RIPK1: variants seen among roughly 807,000 people sequenced by gnomAD.
RIPK1 encodes receptor-interacting serine/threonine-protein kinase 1.
A neutral mutation model predicts 62.4 loss-of-function variants in RIPK1; 27 were observed. The ratio of observed to expected loss-of-function variants is 0.43; its 90% CI spans 0.32 to 0.60. The LOEUF (loss-of-function observed/expected upper bound fraction) is 0.60. Ranked by LOEUF, RIPK1 falls within the 20% of genes least tolerant of loss-of-function variation. The probability of loss-of-function intolerance (pLI) is 0.07; values close to 1 mark genes in which losing one functional copy is unlikely to be tolerated. For missense variants in RIPK1, 735 were observed against 831.0 expected (o/e 0.88, Z 1.42); for synonymous variants, 287 against 303.2 (o/e 0.95, Z 0.55).
intron 7 of RIPK1, among the ~76,000 whole-genome samples, chr6:3,102,032 A>G (rs1760609951): frequency 6.6e-6 from 1 of 152,190 alleles, no homozygotes; most frequent in South Asian, 2.1e-4. Flanking sequence ...AGGATCACAC[A>G]ATGTATTTCC....
At chr6:3,078,557 A>G (rs1483466612) in intron 3 of RIPK1, among the ~76,000 whole-genome samples, 1 of 152,220 alleles carries the variant, frequency 6.6e-6, no homozygotes, top group Non-Finnish European at 1.5e-5. Context: ...TGCAGACATC[A>G]TCTGATGTAG....
rs374066611 is a variant in RIPK1, at chr6:3,072,624, C to T, written c.-61+3963C>T. On this transcript the variant is annotated intron_variant, in intron 1 of 10. Transcript: ENST00000259808. The surrounding 1 kb of genome is among the most constrained non-coding windows in gnomAD (Gnocchi z 5.6). ...TCTGCTAGGCTCTGGAGATGGTGCA[C>T]AAGACAAGTTTCCTGCCTTCTGTGA... 5.6e-4 allele frequency among the ~76,000 whole-genome samples: 85 copies of T among 152,160 alleles called. No homozygotes were observed. Among genetic ancestry groups the T allele is most frequent in the African/African-American group, 2.0e-3 (82 of 41,514 alleles).
At chr6:3,085,071 C>A (rs1310983477) in intron 5 of RIPK1, among the ~76,000 whole-genome samples, 188 bp from the exon 6 acceptor site, 1 of 152,200 alleles carries the variant, frequency 6.6e-6, no homozygotes, top group African/African-American at 2.4e-5. Flanking sequence ...GTTTTATCTG[C>A]AGACATTAAG....
At chr6:3,095,272 A>G (rs908042133) in intron 7 of RIPK1, among the ~76,000 whole-genome samples, 1 of 152,244 alleles carries the variant, frequency 6.6e-6, no homozygotes, top group African/African-American at 2.4e-5. Flanking sequence ...ATAGAAACTT[A>G]GAATATTCCT....
intron 9 of RIPK1, among the ~76,000 whole-genome samples, chr6:3,107,433 C>T (rs1264167239): frequency 6.7e-6 from 1 of 149,960 alleles, no homozygotes; most frequent in African/African-American, 2.5e-5. Context: ...GGCATAGTGG[C>T]GTGCGCCTGT....
intron 7 of RIPK1, among the ~76,000 whole-genome samples, chr6:3,097,014 G>T (rs1760351517): frequency 1.3e-5 from 2 of 152,254 alleles, no homozygotes; most frequent in South Asian, 4.1e-4. Flanking sequence ...GGGATTAAAA[G>T]CGTGCGCCAC....
intron 1 of RIPK1, among the ~76,000 whole-genome samples, chr6:3,073,034 T>C (rs1173425815): frequency 6.6e-6 from 1 of 152,106 alleles, no homozygotes; most frequent in East Asian, 1.9e-4. Context: ...GATAAACACA[T>C]GTGGGCGGCT....
chr6:3,082,550 C>T (rs1023169229), intron 4 of RIPK1, among the ~76,000 whole-genome samples: 3 of 152,284 alleles, frequency 2.0e-5, no homozygotes, highest in Admixed American at 6.5e-5. Flanking sequence ...CTCTTAGGTT[C>T]AGGCTACAGC....
At chr6:3,066,009 T>C (rs930134074), upstream of RIPK1, among the ~76,000 whole-genome samples, 3 of 152,170 alleles carry the variant, frequency 2.0e-5, no homozygotes, top group African/African-American at 7.2e-5. Context: ...GAATGCAAGC[T>C]CCACGAATGG....
At chr6:3,109,062 T>C (rs1761018626) in intron 9 of RIPK1, among the ~76,000 whole-genome samples, 1 of 152,080 alleles carries the variant, frequency 6.6e-6, no homozygotes, top group Admixed American at 6.6e-5. Context: ...ACTTGACAAA[T>C]TCAGCTCAGC....
intron 6 of RIPK1, 144 bp downstream of exon 6, chr6:3,085,552 C>A: frequency 1.2e-6 from 1 of 850,440 alleles, no homozygotes; most frequent in South Asian, 1.8e-5. Context: ...AGATTTCAAA[C>A]ATGTTATTCA....
At chr6:3,110,764 G>A in intron 9 of RIPK1, 39 bp from the exon 10 acceptor site, 4 of 1,374,406 alleles carry the variant, frequency 2.9e-6, no homozygotes, top group Non-Finnish European at 4.0e-6. Context: ...TCTTGCTTTT[G>A]ATCTAGAATT....
At chr6:3,090,115 T>C (rs1759953378) in intron 7 of RIPK1, among the ~76,000 whole-genome samples, 1 of 152,228 alleles carries the variant, frequency 6.6e-6, no homozygotes. Context: ...GGGAGTCATC[T>C]GAGAACCTCA....
In RIPK1 at chr6:3,072,892, T is replaced by C. The variant is rs903759395; in HGVS notation, c.-60-3872T>C. Among the ~76,000 whole-genome samples the C allele has an allele frequency of 5.5e-5, 8 of 146,148 alleles. No homozygotes were observed. Among genetic ancestry groups the C allele is most frequent in the African/African-American group, 2.0e-4 (7 of 35,532 alleles). ...AAAAGGAGGCCTAAAATCAATGTTATCTTTTATGCCCTCTGTCTCCACCCG... is the reference window on the plus strand; with the variant it reads ...AAAAGGAGGCCTAAAATCAATGTTACCTTTTATGCCCTCTGTCTCCACCCG... On this transcript the variant is annotated intron_variant, in intron 1 of 10. Coordinates refer to ENST00000259808, the MANE Select transcript of RIPK1 (RefSeq NM_001354930.2). The surrounding 1 kb of genome is among the most constrained non-coding windows in gnomAD (Gnocchi z 5.6).
intron 5 of RIPK1, among the ~76,000 whole-genome samples, chr6:3,084,140 T>G (rs1759566002): frequency 6.6e-6 from 1 of 151,388 alleles, no homozygotes; most frequent in Admixed American, 6.6e-5. Context: ...CTGTCTCCAC[T>G]GGCCTCTGCT....
At chr6:3,077,474 C>T (rs1581387042) in intron 2 of RIPK1, among the ~76,000 whole-genome samples, 4 of 148,334 alleles carry the variant, frequency 2.7e-5, no homozygotes, top group East Asian at 4.0e-4. Context: ...TTTTTTTAAT[C>T]GTTCTGTCCA....
At chr6:3,100,162 C>T (rs575730006) in intron 7 of RIPK1, among the ~76,000 whole-genome samples, 2 of 152,108 alleles carry the variant, frequency 1.3e-5, no homozygotes, top group African/African-American at 4.8e-5. Flanking sequence ...TGGCTCATGC[C>T]TGTAATTCCA....
At chr6:3,068,751 C>T (rs1758518580) in intron 1 of RIPK1, 90 bp downstream of exon 1, 9 of 790,370 alleles carry the variant, frequency 1.1e-5, no homozygotes, top group Non-Finnish European at 1.4e-5. Context: ...CGCGCCCTCC[C>T]CCAGCACGCC....
chr6:3,068,553 G>A lies in RIPK1; in HGVS notation c.-169G>A, dbSNP rs1199634199. The A allele has an allele frequency of 2.1e-5, 21 of 985,176 alleles. No individual in the cohort carries two copies. Among genetic ancestry groups the A allele is most frequent in the African/African-American group, 7.0e-5 (4 of 57,228 alleles). 61.0% of individuals were successfully genotyped at this position (985,176 alleles called of 1,614,324 possible). A position where few individuals can be genotyped will look rare whatever the true frequency, so the allele number is the denominator to read the frequency against. ...GACGGCGGGCCAGCTGCCGGAGCGC[G>A]GCGACTCCAGGGGACCCACAGCTGG... On this transcript the variant is annotated 5_prime_UTR_variant, in exon 1 of 11. Coordinates refer to ENST00000259808, the MANE Select transcript of RIPK1 (RefSeq NM_001354930.2).
Sources: gnomAD v4.1 joint callset for allele counts (sites outside exome capture counted in the v4.1 genomes callset) on GRCh38, gnomAD v4.1.1 for gene constraint, Gnocchi (gnomAD v3.1) non-coding constraint, MANE v1.5 for transcripts, NCBI Gene and HGNC (gene_info 2026-07-23, HGNC 2026-07-21) for gene names.